YLPM1: variants seen among roughly 807,000 people sequenced by gnomAD.
YLPM1 encodes YLP motif-containing protein 1.
YLPM1 carries 99 observed loss-of-function variants against 230.0 expected under a neutral mutation model. That is an observed-to-expected ratio of 0.43 (90% CI 0.37 to 0.51). YLPM1 has a LOEUF of 0.51. Ranked by LOEUF, YLPM1 falls within the 20% of genes least tolerant of loss-of-function variation. The pLI, the probability that YLPM1 is intolerant of heterozygous loss-of-function variation, is 0.00. For missense variants in YLPM1, 2,592 were observed against 2,707.7 expected, an observed-to-expected ratio of 0.96 and a Z score of 0.95; for synonymous variants, 984 against 942.5, an observed-to-expected ratio of 1.04 and a Z score of -0.81.
chr14:74,771,730 T>G (rs1594807952), intron 1 of YLPM1, among the ~76,000 whole-genome samples: 1 of 152,114 alleles, frequency 6.6e-6, no homozygotes. Context: ...TTGCATTGAT[T>G]TGAGGAGTGA....
At chr14:74,793,755 T>C (rs2091230920) in intron 4 of YLPM1, among the ~76,000 whole-genome samples, 1 of 152,148 alleles carries the variant, frequency 6.6e-6, no homozygotes, top group Non-Finnish European at 1.5e-5. Context: ...GTGAATAGGG[T>C]AAGGAACTGT....
Position 74,809,756 on chromosome 14 carries a change from C to T in YLPM1, c.4898C>T (p.Pro1633Leu), listed in dbSNP as rs1298086691. The T allele has an allele frequency of 1.9e-6, 3 of 1,613,932 alleles. No individual in the cohort carries two copies. The highest frequency in any genetic ancestry group is 2.5e-6 in the Non-Finnish European group (3 of 1,179,902). The change falls in exon 7 of 21, where the codon CCA (proline) becomes CTA (leucine). Residue 1633 changes from proline (P) to leucine (L), a missense_variant. Pro to Leu is a moderately conservative substitution (Grantham distance 98). Coordinates refer to ENST00000325680, the MANE Select transcript of YLPM1 (RefSeq NM_019589.3). ...VPMGMPPMSKPPPVQQTVDYG... is the reference protein window; with the variant it reads ...VPMGMPPMSKLPPVQQTVDYG... ...ATGGGTATGCCACCAATGTCCAAGC[C>T]ACCACCAGTACAACAGACTGTTGAT...
intron 19 of YLPM1, 112 bp from the exon 20 acceptor site, chr14:74,835,153 A>C (rs995277883): frequency 1.5e-6 from 2 of 1,361,648 alleles, no homozygotes; most frequent in Non-Finnish European, 2.0e-6. Context: ...TTAATTTTTT[A>C]AACTTGCGGT....
intron 1 of YLPM1, 46 bp from the exon 2 acceptor site, chr14:74,778,401 A>G: frequency 6.6e-7 from 1 of 1,518,798 alleles, no homozygotes; most frequent in Non-Finnish European, 8.9e-7. Context: ...AGTTGCAGAG[A>G]TACATGATTG....
At chr14:74,784,400 T>C (rs1427801510) in intron 4 of YLPM1, among the ~76,000 whole-genome samples, 1 of 152,250 alleles carries the variant, frequency 6.6e-6, no homozygotes, top group Non-Finnish European at 1.5e-5. Context: ...CTTGCACATA[T>C]CATCTTATTT....
At chr14:74,796,882 T>C (rs1254712584) in intron 4 of YLPM1, among the ~76,000 whole-genome samples, 1 of 151,524 alleles carries the variant, frequency 6.6e-6, no homozygotes, top group African/African-American at 2.4e-5. Flanking sequence ...CCAGAAGTGC[T>C]CAGAGTTAGT....
Position 74,802,651 on chromosome 14 carries a change from C to T in YLPM1, c.4496C>T (p.Thr1499Ile). 1.2e-6 allele frequency: 2 copies of T among 1,612,694 alleles called. No homozygotes were observed. Among genetic ancestry groups the T allele is most frequent in the South Asian group, 2.2e-5 (2 of 90,806 alleles). The change falls in exon 6 of 21, where the codon ACA becomes ATA. Residue 1499 changes from threonine to isoleucine, a missense_variant. Physicochemically the swap from Thr to Ile is moderately conservative, Grantham distance 89 (BLOSUM62 -1). Around this residue, in one of 4 missense-constraint regions of YLPM1, gnomAD observed 403 missense variants for 426.7 expected, o/e 0.94. Coordinates refer to ENST00000325680, the MANE Select transcript of YLPM1 (RefSeq NM_019589.3). ...LPPQESRLQN[T>I]SSRPGMYPPP... is the part of the protein sequence containing the mutation. ...CCTCAGGAATCAAGATTGCAGAATA[C>T]ATCTTCAAGACCTGGAATGTATCCG...
At chr14:74,816,139 TTA>T (rs2091476075) in intron 11 of YLPM1, 62 bp from the exon 12 acceptor site, 1 of 1,468,306 alleles carries the variant, frequency 6.8e-7, no homozygotes, top group South Asian at 1.2e-5. Context: ...TTGTTAACTG[TTA>T]TCTCATTGCA....
At chr14:74,776,995 G>A (rs2091047063) in intron 1 of YLPM1, among the ~76,000 whole-genome samples, 1 of 152,046 alleles carries the variant, frequency 6.6e-6, no homozygotes, top group African/African-American at 2.4e-5. Context: ...GGCGGAGGTG[G>A]CAGTGAGCTG....
chr14:74,782,956 G>C (rs991312185), intron 4 of YLPM1, among the ~76,000 whole-genome samples: 1 of 152,088 alleles, frequency 6.6e-6, no homozygotes, highest in South Asian at 2.1e-4. Flanking sequence ...AATTGCTGGT[G>C]TGTAAGTTTT....
In YLPM1 at chr14:74,776,694, A is replaced by G. The variant is rs569564197; in HGVS notation, c.874-1753A>G. Reference sequence around the variant, plus strand: ...TGGGAATGCACACATGAGTCAGGGGACTCATGTTTTTCACTGCTGTCCACA... The same window carrying G: ...TGGGAATGCACACATGAGTCAGGGGGCTCATGTTTTTCACTGCTGTCCACA... On this transcript the variant is annotated intron_variant, in intron 1 of 20. Coordinates refer to ENST00000325680, the MANE Select transcript of YLPM1 (RefSeq NM_019589.3). Among the ~76,000 whole-genome samples the G allele has an allele frequency of 7.2e-5, 11 of 152,188 alleles. No individual in the cohort carries two copies. The East Asian group carries it at 9.6e-4, about 13-fold the overall frequency.
chr14:74,786,578 TGACATTGTATTATTGTGA>T (rs974134913), intron 4 of YLPM1, among the ~76,000 whole-genome samples: 37 of 152,350 alleles, frequency 2.4e-4, no homozygotes, highest in African/African-American at 7.9e-4. Context: ...ATCTTTCACT[TGACATTGTATTATTGTGA>T]GAGTCATCCA....
intron 4 of YLPM1, among the ~76,000 whole-genome samples, chr14:74,792,518 G>A (rs1316418694): frequency 1.3e-5 from 2 of 152,080 alleles, no homozygotes; most frequent in Non-Finnish European, 2.9e-5. Context: ...TGATTCATAT[G>A]CATGGTTTAA....
At chr14:74,804,347 G>T (rs1314733754) in intron 6 of YLPM1, among the ~76,000 whole-genome samples, 1 of 152,168 alleles carries the variant, frequency 6.6e-6, no homozygotes, top group Non-Finnish European at 1.5e-5. Flanking sequence ...CATGCCTTCA[G>T]GATGAAATTT....
intron 4 of YLPM1, among the ~76,000 whole-genome samples, chr14:74,782,939 GA>G (rs929445229): frequency 1.3e-5 from 2 of 151,608 alleles, no homozygotes; most frequent in Non-Finnish European, 2.9e-5. Flanking sequence ...TATTTAGAAA[GA>G]AAAAAAATTG....
At chr14:74,787,891 T>A (rs1272057196) in intron 4 of YLPM1, among the ~76,000 whole-genome samples, 5 of 152,080 alleles carry the variant, frequency 3.3e-5, no homozygotes, top group Admixed American at 6.5e-5. Flanking sequence ...TGTGCACACC[T>A]GCAATCTCAG....
chr14:74,800,323 G>T (rs945425393), intron 5 of YLPM1, among the ~76,000 whole-genome samples: 5 of 152,192 alleles, frequency 3.3e-5, no homozygotes, highest in African/African-American at 1.2e-4. Context: ...ACAATCAACT[G>T]TGTATAGGTA....
intron 1 of YLPM1, among the ~76,000 whole-genome samples, chr14:74,764,749 C>T (rs908808249): frequency 1.3e-5 from 2 of 152,100 alleles, no homozygotes; most frequent in African/African-American, 4.8e-5. Flanking sequence ...GAAAAAGAGG[C>T]CTCGCCAAGG....
At chr14:74,814,519 G>C (rs920475254) in intron 11 of YLPM1, among the ~76,000 whole-genome samples, 1 of 152,196 alleles carries the variant, frequency 6.6e-6, no homozygotes, top group Admixed American at 6.5e-5. Context: ...AGATGATCGT[G>C]TGATTTTGGT....
Sources: allele counts gnomAD v4.1 joint callset (sites outside exome capture counted in the v4.1 genomes callset), GRCh38; gene constraint gnomAD v4.1.1; regional missense constraint gnomAD v4.1.1; transcripts MANE v1.5; gene names NCBI Gene and HGNC (gene_info 2026-07-23, HGNC 2026-07-21).